The following SSBP3 variants were observed in gnomAD, a reference collection of about 807,000 sequenced individuals.
SSBP3 encodes single stranded DNA binding protein 3.
In SSBP3, 5 loss-of-function variants were observed where a neutral mutation model predicts 69.6. The ratio of observed to expected loss-of-function variants is 0.07; its 90% CI spans 0.04 to 0.15. The LOEUF is 0.15. SSBP3 is among the 10% of genes least tolerant of loss of function. The pLI, the probability that SSBP3 is intolerant of heterozygous loss-of-function variation, is 1.00. For missense variants in SSBP3, 312 were observed against 534.0 expected, an observed-to-expected ratio of 0.58 and a Z score of 4.10; for synonymous variants, 196 against 193.4, an observed-to-expected ratio of 1.01 and a Z score of -0.11.
At chr1:54,225,642 C>A in exon 18 of SSBP3, 2 of 299,532 alleles carry the variant, frequency 6.7e-6, no homozygotes, top group East Asian at 5.6e-5. Context: ...ATACATGGAT[C>A]AGAAAGGGAG....
chr1:54,360,345 A>G lies in SSBP3; in HGVS notation c.276+41516T>C, dbSNP rs928131057. On this transcript the variant is annotated intron_variant, in intron 4 of 17. Coordinates refer to ENST00000610401, the Ensembl canonical transcript of SSBP3. ...ATGTTTGTCTTTTGTTCATTGCTTTATCATGTGTTCTAATACTGGCACACG... is the reference window on the plus strand; with the variant it reads ...ATGTTTGTCTTTTGTTCATTGCTTTGTCATGTGTTCTAATACTGGCACACG... 3.3e-5 allele frequency among the ~76,000 whole-genome samples: 5 copies of G among 152,238 alleles called. No homozygotes were observed. In the South Asian group the frequency reaches 8.3e-4, roughly 25 times the overall value.
intron 1 of SSBP3, chr1:54,405,419 T>G: frequency 6.1e-6 from 1 of 162,658 alleles, no homozygotes. Flanking sequence ...CCACCGTCGC[T>G]GCCCAGCCCG....
chr1:54,269,874 C>A (rs1645163860), intron 5 of SSBP3, among the ~76,000 whole-genome samples: 1 of 152,210 alleles, frequency 6.6e-6, no homozygotes, highest in African/African-American at 2.4e-5. Flanking sequence ...GTAGGAAGAG[C>A]ACCTGACAGA....
At chr1:54,239,843 G>C (rs1007558309) in intron 13 of SSBP3, among the ~76,000 whole-genome samples, 4 of 152,172 alleles carry the variant, frequency 2.6e-5, no homozygotes, top group Non-Finnish European at 2.9e-5. Flanking sequence ...GGAGGGGGCG[G>C]GGGAGAGTCC....
At chr1:54,360,933 A>G (rs913739350) in intron 4 of SSBP3, among the ~76,000 whole-genome samples, 2 of 151,754 alleles carry the variant, frequency 1.3e-5, no homozygotes, top group Admixed American at 1.3e-4. Flanking sequence ...AAAAAAAAAA[A>G]AAATCTGCCA....
intron 14 of SSBP3, 131 bp downstream of exon 14, chr1:54,238,998 T>C (rs911017534): frequency 1.2e-6 from 1 of 807,300 alleles, no homozygotes; most frequent in African/African-American, 1.7e-5. Flanking sequence ...ATCACTTTTC[T>C]GACGGTTTAT....
chr1:54,242,980 C>T (rs569449630), intron 10 of SSBP3: 76 of 439,980 alleles, frequency 1.7e-4, no homozygotes, highest in African/African-American at 1.1e-3. Flanking sequence ...TAAAAATCAT[C>T]GCGTCATAGG....
intron 4 of SSBP3, among the ~76,000 whole-genome samples, chr1:54,312,359 G>A (rs1219017918): frequency 3.3e-5 from 5 of 151,974 alleles, no homozygotes; most frequent in African/African-American, 9.7e-5. Context: ...GGAGGCTGAG[G>A]TGGGTGGATC....
At chr1:54,410,480 A>T (rs1039690772), upstream of SSBP3, among the ~76,000 whole-genome samples, 1 of 152,180 alleles carries the variant, frequency 6.6e-6, no homozygotes, top group African/African-American at 2.4e-5. Context: ...GGATGGATGC[A>T]AGCTCCCGCT....
At chr1:54,404,815 G>GGC in intron 2 of SSBP3, 43 bp downstream of exon 2, 1 of 1,060,374 alleles carries the variant, frequency 9.4e-7, no homozygotes, top group Non-Finnish European at 1.4e-6. Context: ...TAGTGGGGGG[G>GGC]GGGGGTGTCA....
intron 4 of SSBP3, 82 bp downstream of exon 4, chr1:54,401,779 G>C: frequency 8.4e-7 from 1 of 1,190,434 alleles, no homozygotes; most frequent in Non-Finnish European, 1.2e-6. Context: ...ACTGCGAACT[G>C]GCTGTGTTTG....
intron 4 of SSBP3, among the ~76,000 whole-genome samples, chr1:54,294,168 AAAG>A (rs1409486720): frequency 1.4e-5 from 1 of 69,850 alleles, no homozygotes; most frequent in African/African-American, 5.0e-5. Flanking sequence ...AAAAAGAAAG[AAAG>A]AAAGAAAGAA....
chr1:54,345,273 T>TA (rs1646671362), intron 4 of SSBP3, among the ~76,000 whole-genome samples: 2 of 152,024 alleles, frequency 1.3e-5, no homozygotes, highest in South Asian at 4.1e-4. Flanking sequence ...GGAGCCCCCA[T>TA]AAAAAACATC....
At chr1:54,246,168 C>T (rs935827944) in intron 9 of SSBP3, among the ~76,000 whole-genome samples, 18 of 152,186 alleles carry the variant, frequency 1.2e-4, no homozygotes, top group Admixed American at 2.0e-4. Flanking sequence ...TTCTGAAGTG[C>T]CCCGTAAGCC....
At chr1:54,298,083 C>T (rs113313783) in intron 4 of SSBP3, among the ~76,000 whole-genome samples, 1,743 of 152,264 alleles carry the variant, frequency 0.011, 31 homozygotes, top group African/African-American at 0.04. Context: ...AGGAAGCCTC[C>T]GGGTGCAGGT....
intron 5 of SSBP3, 31 bp downstream of exon 5, chr1:54,281,389 CGGCCTGGAATACAAGGTG>C (rs1161575138): frequency 1.2e-5 from 17 of 1,475,802 alleles, no homozygotes; most frequent in Non-Finnish European, 1.6e-5. Context: ...CCCAGGGCCT[CGGCCTGGAATACAAGGTG>C]GAGCACAAGA....
At position 54,316,667 on chromosome 1, in the gene SSBP3, AATAAATAAATAAATAAAT is replaced by A. The variant is rs1557525417; in HGVS notation, c.277-35158_277-35141del. Among the ~76,000 whole-genome samples the A allele has an allele frequency of 8.9e-4, 50 of 56,460 alleles. 2 individuals are homozygous for A. Among genetic ancestry groups the A allele is most frequent in the Admixed American group, 8.9e-4 (5 of 5,602 alleles). 37.0% of individuals were successfully genotyped at this position (56,460 alleles called of 152,430 possible). A position where few individuals can be genotyped will look rare whatever the true frequency, so the allele number is the denominator to read the frequency against. On this transcript the variant is annotated intron_variant, in intron 4 of 17. Transcript: ENST00000610401. Reference sequence around the variant, plus strand: ...CGTCTCAAAAAAAAAAAATAAAATAAATAAATAAATAAATAAATAAATAAATAAATAAATAAATAAATA... The same window carrying A: ...CGTCTCAAAAAAAAAAAATAAAATAAAAATAAATAAATAAATAAATAAATA...
At chr1:54,393,447 G>A (rs1648640681) in intron 4 of SSBP3, among the ~76,000 whole-genome samples, 1 of 152,108 alleles carries the variant, frequency 6.6e-6, no homozygotes, top group African/African-American at 2.4e-5. Context: ...TGAGAACACT[G>A]CCCATCAGGA....
chr1:54,257,018 T>A (rs977086533), intron 7 of SSBP3, 109 bp downstream of exon 7: 1 of 1,156,722 alleles, frequency 8.6e-7, no homozygotes, highest in Non-Finnish European at 1.2e-6. Context: ...ACGTTAAACC[T>A]GCCCCTCCAC....
Sources: gnomAD v4.1 joint callset for allele counts (sites outside exome capture counted in the v4.1 genomes callset) on GRCh38, gnomAD v4.1.1 for gene constraint, MANE v1.5 for transcripts, NCBI Gene and HGNC (gene_info 2026-07-23, HGNC 2026-07-21) for gene names.